PCSK6: variants seen among roughly 807,000 people sequenced by gnomAD.
The protein encoded by PCSK6 is paired basic amino acid cleaving enzyme 4.
A neutral mutation model predicts 123.3 loss-of-function variants in PCSK6; 85 were observed. The ratio of observed to expected loss-of-function variants is 0.69; its 90% CI spans 0.58 to 0.83. The LOEUF is 0.83. Among genes scored for constraint, PCSK6 ranks in the 40% least tolerant of loss-of-function variants. PCSK6 has a pLI of 0.00. For synonymous variants in PCSK6, 508 were observed against 516.0 expected, an observed-to-expected ratio of 0.98 and a Z score of 0.21; for missense variants, 1,191 against 1,282.3, an observed-to-expected ratio of 0.93 and a Z score of 1.09.
At chr15:101,318,184 C>T (rs916616778) in intron 19 of PCSK6, 135 bp downstream of exon 19, 3 of 653,216 alleles carry the variant, frequency 4.6e-6, no homozygotes, top group African/African-American at 3.6e-5. Context: ...GGCCTTTGTA[C>T]CTTGTTTTGC....
At chr15:101,376,536 A>G (rs963159968) in intron 11 of PCSK6, among the ~76,000 whole-genome samples, 1 of 152,252 alleles carries the variant, frequency 6.6e-6, no homozygotes, top group African/African-American at 2.4e-5. Context: ...GGAGGCTCAC[A>G]GGAACTTAAC....
intron 13 of PCSK6, among the ~76,000 whole-genome samples, chr15:101,343,227 T>C (rs1264824249): frequency 2.6e-5 from 4 of 151,808 alleles, no homozygotes; most frequent in Non-Finnish European, 5.9e-5. Context: ...TTTTCTTTCC[T>C]GAAATCATAT....
chr15:101,312,722 C>T (rs1596167699), intron 20 of PCSK6, among the ~76,000 whole-genome samples: 2 of 152,268 alleles, frequency 1.3e-5, no homozygotes, highest in Admixed American at 1.3e-4. Context: ...GTCCCAGCTA[C>T]TCGGCAGGTT....
At chr15:101,371,499 A>T (rs1238686587) in intron 11 of PCSK6, among the ~76,000 whole-genome samples, 1 of 152,284 alleles carries the variant, frequency 6.6e-6, no homozygotes, top group Non-Finnish European at 1.5e-5. Flanking sequence ...TGTTCCGAAG[A>T]CTAGCATTGA....
chr15:101,455,880 C>A (rs112308436), intron 1 of PCSK6, among the ~76,000 whole-genome samples: 2 of 152,326 alleles, frequency 1.3e-5, no homozygotes, highest in Non-Finnish European at 2.9e-5. Context: ...GGCTTGTAAA[C>A]TAAAAATAGA....
intron 13 of PCSK6, among the ~76,000 whole-genome samples, chr15:101,357,697 T>C (rs971607764): frequency 2.0e-5 from 3 of 152,252 alleles, no homozygotes; most frequent in Non-Finnish European, 2.9e-5. Flanking sequence ...GTAGGTCTTA[T>C]TGCGAACAAT....
At chr15:101,382,053 C>A (rs369161841) in intron 11 of PCSK6, 39 bp downstream of exon 11, 1 of 1,419,012 alleles carries the variant, frequency 7.0e-7, no homozygotes, top group East Asian at 2.4e-5. Flanking sequence ...TCCAAACCCA[C>A]GTGCCTGAGA....
chr15:101,458,946 G>A (rs1419795180), intron 1 of PCSK6, among the ~76,000 whole-genome samples: 1 of 152,168 alleles, frequency 6.6e-6, no homozygotes, highest in Admixed American at 6.5e-5. Context: ...CAAGCATGCT[G>A]GATGGGCCTG....
At position 101,389,564 on chromosome 15, in the gene PCSK6, C is replaced by T. The variant is rs760682777; in HGVS notation, c.1210G>A (p.Val404Ile). ...CAGCGCTGACGCAGATCCGTGGTGA[C>T]CTGGGGGAGAGAGAAGCACAGTGAG... ...SSGAFYERKI[V>I]TTDLRQRCTD... is the part of the protein sequence containing the mutation. The change falls in exon 9 of 22, where the codon GTC becomes ATC. Residue 404 changes from valine (V) to isoleucine (I), a missense_variant and splice_region_variant. This residue lies in a region of PCSK6 where 357 missense variants were observed against 484.5 expected (regional missense o/e 0.74). Transcript: ENST00000611716. The T allele has an allele frequency of 3.7e-6, 6 of 1,609,014 alleles. No homozygotes were observed. The Admixed American group carries it at 8.4e-5, about 22-fold the overall frequency.
intron 9 of PCSK6, among the ~76,000 whole-genome samples, chr15:101,386,445 G>T (rs6598459): frequency 6.6e-6 from 1 of 151,946 alleles, no homozygotes; most frequent in African/African-American, 2.4e-5. Context: ...CTCTGGTACC[G>T]CCACACCCAC....
rs1160242498 is a variant in PCSK6, at chr15:101,390,657, ACT to A, written c.1210-1095_1210-1094del. Among the ~76,000 whole-genome samples the A allele has an allele frequency of 5.1e-4, 77 of 152,128 alleles. 1 individual carries two copies. The highest frequency in any genetic ancestry group is 4.9e-3 in the Admixed American group (75 of 15,270). On this transcript the variant is annotated intron_variant, in intron 8 of 21. Coordinates refer to ENST00000611716, the MANE Select transcript of PCSK6 (RefSeq NM_002570.5). ...CTGACAGCCCACAAGGAAATGGGAA[ACT>A]CAGTCCCAGAACCACAGGGACCTGA...
chr15:101,330,109 C>T (rs755866), intron 15 of PCSK6, among the ~76,000 whole-genome samples: 3,062 of 152,306 alleles, frequency 0.02, 51 homozygotes, highest in Non-Finnish European at 0.029. Context: ...GGTTGGCTGT[C>T]ACCACAAAGT....
intron 18 of PCSK6, among the ~76,000 whole-genome samples, 195 bp from the exon 19 acceptor site, chr15:101,318,617 C>T (rs1233125416): frequency 6.6e-6 from 1 of 152,234 alleles, no homozygotes; most frequent in Non-Finnish European, 1.5e-5. Flanking sequence ...GGGTACAAGG[C>T]CCTGGGAAGC....
chr15:101,442,190 G>A (rs764485901), intron 2 of PCSK6, among the ~76,000 whole-genome samples: 1 of 152,146 alleles, frequency 6.6e-6, no homozygotes, highest in African/African-American at 2.4e-5. Context: ...GGGGTGAGAC[G>A]GTGCATGTAA....
rs913555936 is a variant in PCSK6 at position 101,382,165 on chromosome 15, C to T, written c.1459G>A (p.Val487Ile). 42 of 1,612,950 alleles carry T rather than the reference C, an allele frequency of 2.6e-5. No homozygotes were observed. The highest frequency in any genetic ancestry group is 3.5e-5 in the Non-Finnish European group (41 of 1,179,638). ...GFGLVDAEALVVEAKKWTAVP... is the reference protein window; with the variant it reads ...GFGLVDAEALIVEAKKWTAVP... ...GCTGTCCACTTCTTTGCCTCCACAA[C>T]GAGAGCTTCTGCGTCCACCAAACCA... The change falls in exon 11 of 22, where the codon GTT becomes ATT. Residue 487 changes from valine to isoleucine, a missense_variant. By Grantham distance (29) the Val-to-Ile change is conservative (BLOSUM62 3). Transcript: ENST00000611716.
chr15:101,438,609 C>T lies in PCSK6; in HGVS notation c.402+4947G>A, dbSNP rs546812566. Among the ~76,000 whole-genome samples the T allele has an allele frequency of 5.9e-5, 9 of 152,344 alleles. No individual in the cohort carries two copies. In the East Asian group the frequency reaches 9.6e-4, roughly 16 times the overall value. ...AGGCATCCGCACAGCAGCGTCAGTC[C>T]GCCTTCCCATCGCCTCTCCTCTGGT... On this transcript the variant is annotated intron_variant, in intron 2 of 21. Transcript: ENST00000611716.
chr15:101,391,807 T>G (rs2042241845), intron 8 of PCSK6, among the ~76,000 whole-genome samples: 1 of 89,920 alleles, frequency 1.1e-5, no homozygotes, highest in South Asian at 3.0e-4. Flanking sequence ...ATAACACCCC[T>G]CCTGTCAGAG....
chr15:101,367,504 G>A (rs2041436387), intron 12 of PCSK6, among the ~76,000 whole-genome samples: 1 of 152,226 alleles, frequency 6.6e-6, no homozygotes, highest in South Asian at 2.1e-4. Context: ...TGAGGGGGAA[G>A]CATCCTGTGC....
chr15:101,389,630 CTGGG>C, intron 8 of PCSK6, 66 bp from the exon 9 acceptor site: 2 of 1,310,278 alleles, frequency 1.5e-6, no homozygotes, highest in Non-Finnish European at 2.2e-6. Flanking sequence ...GTGGAGAAGG[CTGGG>C]CTACTTCAGG....
Sources: allele counts gnomAD v4.1 joint callset (sites outside exome capture counted in the v4.1 genomes callset), GRCh38; gene constraint gnomAD v4.1.1; regional missense constraint gnomAD v4.1.1; transcripts MANE v1.5; gene names NCBI Gene and HGNC (gene_info 2026-07-23, HGNC 2026-07-21).